Variants in TMEM165 observed in about 807,000 individuals in gnomAD.
TMEM165 encodes the protein putative divalent cation/proton antiporter TMEM165.
A neutral mutation model predicts 30.0 loss-of-function variants in TMEM165; 19 were observed. The observed-to-expected ratio is 0.63, with a 90% CI of 0.44 to 0.93. The LOEUF is 0.93. Among genes scored for constraint, TMEM165 ranks in the 40% least tolerant of loss-of-function variants. The probability of loss-of-function intolerance (pLI) is 0.00; values close to 1 mark genes in which losing one functional copy is unlikely to be tolerated. For missense variants in TMEM165, 340 were observed against 417.0 expected (o/e 0.82, Z 1.61); for synonymous variants, 168 against 162.9 (o/e 1.03, Z -0.24).
chr4:55,410,186 G>A (rs916735456), intron 1 of TMEM165, among the ~76,000 whole-genome samples: 4 of 152,074 alleles, frequency 2.6e-5, no homozygotes, highest in African/African-American at 7.2e-5. Flanking sequence ...TTTTGGTTCA[G>A]TAACTTGCCA....
intron 4 of TMEM165, chr4:55,418,240 C>T (rs1185831064): frequency 8.3e-6 from 3 of 359,430 alleles, no homozygotes; most frequent in Non-Finnish European, 9.9e-6. Context: ...AAAATGATGC[C>T]GTGGTACTTG....
exon 4 of TMEM165, chr4:55,453,110 C>T: frequency 6.2e-7 from 1 of 1,613,014 alleles, no homozygotes; most frequent in East Asian, 2.2e-5. Context: ...CGTCGTCTTT[C>T]AGCCCTAACT....
chr4:55,407,124 A>G (rs1412874217), intron 1 of TMEM165, among the ~76,000 whole-genome samples: 3 of 152,202 alleles, frequency 2.0e-5, no homozygotes, highest in Non-Finnish European at 4.4e-5. Flanking sequence ...GTAGTGGGTC[A>G]GGATCATTAA....
chr4:55,403,293 T>A, intron 1 of TMEM165: 1 of 1,287,424 alleles, frequency 7.8e-7, no homozygotes, highest in African/African-American at 1.5e-5. Context: ...GAAAGCATCT[T>A]CATCTTCTCT....
intron 3 of TMEM165, chr4:55,449,604 T>G: frequency 2.1e-6 from 2 of 931,350 alleles, no homozygotes; most frequent in Non-Finnish European, 3.4e-6. Flanking sequence ...GAATTATTTT[T>G]CCAAACCATT....
chr4:55,424,384 T>C lies in TMEM165; in HGVS notation c.793-154T>C. Reference sequence around the variant, plus strand: ...GGTACATATTCCTTCAAGCAGCCATTACACCTCTCATAAATTTATTATACA... The same window carrying C: ...GGTACATATTCCTTCAAGCAGCCATCACACCTCTCATAAATTTATTATACA... On this transcript the variant is annotated intron_variant, in intron 4 of 5. Transcript: ENST00000381334. 3 of 590,844 alleles carry C rather than the reference T, an allele frequency of 5.1e-6. No homozygotes were observed. In the South Asian group the frequency reaches 6.7e-5, roughly 13 times the overall value. 36.6% of individuals were successfully genotyped at this position (590,844 alleles called of 1,614,324 possible). A position where few individuals can be genotyped will look rare whatever the true frequency, so the allele number is the denominator to read the frequency against.
At chr4:55,451,399 C>T (rs930089694) in intron 3 of TMEM165, among the ~76,000 whole-genome samples, 1 of 152,142 alleles carries the variant, frequency 6.6e-6, no homozygotes, top group Admixed American at 6.5e-5. Flanking sequence ...TATTACCCCC[C>T]TGTTGTTGAT....
chr4:55,409,166 C>G (rs1335962109), intron 1 of TMEM165, among the ~76,000 whole-genome samples: 1 of 152,126 alleles, frequency 6.6e-6, no homozygotes, highest in Non-Finnish European at 1.5e-5. Flanking sequence ...AGCCAGCTGT[C>G]AAGGCAACAA....
chr4:55,432,671 G>C (rs1475088636), intron 3 of TMEM165: 1 of 151,822 alleles, frequency 6.6e-6, no homozygotes, highest in African/African-American at 2.4e-5. Context: ...AGAGAATCAG[G>C]AGGAAAACAA....
chr4:55,416,933 G>A, intron 2 of TMEM165, 139 bp from the exon 3 acceptor site: 1 of 639,442 alleles, frequency 1.6e-6, no homozygotes, highest in Non-Finnish European at 2.5e-6. Context: ...GGAAATACTT[G>A]AGGTTATTAC....
intron 4 of TMEM165, chr4:55,418,280 A>G (rs1721822329): frequency 3.7e-6 from 1 of 269,524 alleles, no homozygotes. Context: ...TTATCATAGA[A>G]CTTTCTTTTT....
chr4:55,408,928 T>C (rs1166065465), intron 1 of TMEM165, among the ~76,000 whole-genome samples: 3 of 151,386 alleles, frequency 2.0e-5, no homozygotes, highest in Admixed American at 6.6e-5. Flanking sequence ...TGCCCTTTTT[T>C]TTTTTTTTAA....
At chr4:55,408,672 A>G (rs573711535) in intron 1 of TMEM165, among the ~76,000 whole-genome samples, 2 of 152,214 alleles carry the variant, frequency 1.3e-5, no homozygotes, top group South Asian at 4.1e-4. Context: ...AGGAACAGAG[A>G]TTAAATAATG....
downstream of TMEM165, chr4:55,430,755 G>T (rs922881823): frequency 3.3e-5 from 5 of 152,152 alleles, no homozygotes; most frequent in African/African-American, 1.2e-4. Context: ...TTTTAGATTA[G>T]TTCTGTACAT....
chr4:55,426,290 A>G (rs1722197442), downstream of TMEM165: 1 of 152,230 alleles, frequency 6.6e-6, no homozygotes, highest in Admixed American at 6.5e-5. Context: ...GTAGCTAAAC[A>G]GGAGCCAGGC....
intron 4 of TMEM165, among the ~76,000 whole-genome samples, chr4:55,419,915 A>G: frequency 6.6e-6 from 1 of 151,268 alleles, no homozygotes; most frequent in East Asian, 2.0e-4. Context: ...TGATTCTCAT[A>G]AAACAAACTT....
At chr4:55,448,661 C>A in intron 3 of TMEM165, 20 of 574,286 alleles carry the variant, frequency 3.5e-5, no homozygotes, top group Non-Finnish European at 5.8e-5. Context: ...CCTCAGCCTC[C>A]CAAGTAGCTG....
downstream of TMEM165, chr4:55,430,956 C>A (rs1429099996): frequency 6.6e-6 from 1 of 152,172 alleles, no homozygotes; most frequent in Non-Finnish European, 1.5e-5. Context: ...AAATCACTCC[C>A]ATAAACCAAC....
Position 55,411,724 on chromosome 4 carries a change from A to G in TMEM165, c.318A>G (p.Val106=). ...AFVAAISVII[V]SELGDKTFFI... ...TCGCTGCCATATCAGTTATTATTGT[A>G]TCTGAATTGGGTGATAAGACATTTT... The change falls in exon 2 of 6, where the codon GTA becomes GTG. Residue 106 remains valine, a synonymous_variant. Transcript: ENST00000381334. 6.2e-7 allele frequency: 1 copy of G among 1,614,162 alleles called. No individual in the cohort carries two copies. Among genetic ancestry groups the G allele is most frequent in the Non-Finnish European group, 8.5e-7 (1 of 1,180,028 alleles).
Sources: allele counts gnomAD v4.1 joint callset (sites outside exome capture counted in the v4.1 genomes callset), GRCh38; gene constraint gnomAD v4.1.1; transcripts MANE v1.5; gene names NCBI Gene and HGNC (gene_info 2026-07-23, HGNC 2026-07-21).